The following ACACA variants were observed in gnomAD, a reference collection of about 807,000 sequenced individuals.
The protein encoded by ACACA is acetyl-CoA carboxylase 1.
A neutral mutation model predicts 296.1 loss-of-function variants in ACACA; 103 were observed. The ratio of observed to expected loss-of-function variants is 0.35; its 90% CI spans 0.30 to 0.41. ACACA has a LOEUF of 0.41. ACACA is among the 10% of genes least tolerant of loss of function. The pLI, the probability that ACACA is intolerant of heterozygous loss-of-function variation, is 1.00. For missense variants in ACACA, 1,554 were observed against 2,989.7 expected, an observed-to-expected ratio of 0.52 and a Z score of 11.20; for synonymous variants, 953 against 1,038.6, an observed-to-expected ratio of 0.92 and a Z score of 1.58.
rs553792769 is a variant in ACACA at position 37,101,767 on chromosome 17, T to C, written c.6566-3783A>G. 1.1e-4 allele frequency among the ~76,000 whole-genome samples: 16 copies of C among 152,336 alleles called. No individual in the cohort carries two copies. In the South Asian group the frequency reaches 3.3e-3, roughly 32 times the overall value. On this transcript the variant is annotated intron_variant, in intron 52 of 55. Coordinates refer to ENST00000616317, the MANE Select transcript of ACACA (RefSeq NM_198834.3). ...TAGTTCCCATTCAGATGCAATTTCC[T>C]AGGCAGGCCTAAGATTTAAGAGTTG...
chr17:37,369,986 G>A (rs1451423945), intron 1 of ACACA, among the ~76,000 whole-genome samples: 6 of 149,470 alleles, frequency 4.0e-5, no homozygotes, highest in African/African-American at 7.4e-5. Flanking sequence ...GATTACAGGC[G>A]TGAGCCACTG....
intron 50 of ACACA, among the ~76,000 whole-genome samples, chr17:37,114,540 A>C (rs969738585): frequency 4.2e-4 from 64 of 152,024 alleles, no homozygotes; most frequent in Middle Eastern, 6.8e-3. Context: ...TTAAAAAAAA[A>C]AAAAAAAAAA....
chr17:37,266,858 A>AT (rs1249769495), intron 10 of ACACA, among the ~76,000 whole-genome samples: 4 of 152,134 alleles, frequency 2.6e-5, no homozygotes, highest in Admixed American at 1.3e-4. Flanking sequence ...CTCAGATAAC[A>AT]TTTTTTTGCC....
chr17:37,192,012 T>G, intron 37 of ACACA, 78 bp downstream of exon 37: 1 of 1,415,476 alleles, frequency 7.1e-7, no homozygotes, highest in South Asian at 1.2e-5. Flanking sequence ...AGCAGAAGCA[T>G]AATACCTAAT....
intron 29 of ACACA, among the ~76,000 whole-genome samples, chr17:37,220,911 C>T (rs1183946388): frequency 6.6e-6 from 1 of 152,004 alleles, no homozygotes; most frequent in Non-Finnish European, 1.5e-5. Flanking sequence ...AACCAAAGGC[C>T]ATAAAGAAGA....
At chr17:37,266,307 G>A (rs2081768386) in intron 10 of ACACA, among the ~76,000 whole-genome samples, 3 of 151,856 alleles carry the variant, frequency 2.0e-5, no homozygotes, top group African/African-American at 4.8e-5. Context: ...CCAACTACTC[G>A]GGAGGCTGAG....
intron 45 of ACACA, among the ~76,000 whole-genome samples, chr17:37,136,654 C>A (rs973005508): frequency 4.0e-5 from 6 of 151,850 alleles, no homozygotes; most frequent in South Asian, 2.1e-4. Flanking sequence ...TAAAAAAAAA[C>A]CATTTAGGCC....
At chr17:37,265,934 T>G (rs1172840131) in intron 10 of ACACA, among the ~76,000 whole-genome samples, 1 of 152,222 alleles carries the variant, frequency 6.6e-6, no homozygotes, top group Non-Finnish European at 1.5e-5. Flanking sequence ...ACTTTTCATT[T>G]TGAACTGTTT....
chr17:37,369,365 C>G (rs1172971739), intron 1 of ACACA: 1 of 152,116 alleles, frequency 6.6e-6, no homozygotes, highest in Non-Finnish European at 1.5e-5. Context: ...GCAAGTGATA[C>G]ACGCCTGTAG....
intron 45 of ACACA, among the ~76,000 whole-genome samples, chr17:37,139,913 G>C (rs2075492969): frequency 6.6e-6 from 1 of 152,184 alleles, no homozygotes; most frequent in Non-Finnish European, 1.5e-5. Context: ...GAAAGATTTT[G>C]GTTCCATTCA....
intron 7 of ACACA, among the ~76,000 whole-genome samples, chr17:37,276,511 G>C (rs2082290686): frequency 6.6e-6 from 1 of 152,152 alleles, no homozygotes; most frequent in Admixed American, 6.5e-5. Flanking sequence ...ATTGTTTAAG[G>C]TCTCTGAGAC....
chr17:37,348,997 G>A (rs1010546334), intron 1 of ACACA, among the ~76,000 whole-genome samples: 1 of 150,960 alleles, frequency 6.6e-6, no homozygotes, highest in Non-Finnish European at 1.5e-5. Context: ...GGCAAATATC[G>A]TAAATATATG....
intron 3 of ACACA, among the ~76,000 whole-genome samples, chr17:37,288,279 C>G (rs180792168): frequency 6.6e-6 from 1 of 151,702 alleles, no homozygotes; most frequent in Admixed American, 6.6e-5. Context: ...CCTTCCTGTC[C>G]TTAACTTTGT....
Position 37,113,318 on chromosome 17 carries a change from G to C in ACACA, c.6275-53C>G. 1 of 1,586,180 alleles carries C rather than the reference G, an allele frequency of 6.3e-7. No individual in the cohort carries two copies. Among genetic ancestry groups the C allele is most frequent in the Non-Finnish European group, 8.6e-7 (1 of 1,159,664 alleles). On this transcript the variant is annotated intron_variant, in intron 50 of 55. Coordinates refer to ENST00000616317, the MANE Select transcript of ACACA (RefSeq NM_198834.3). The surrounding 1 kb of genome is among the most constrained non-coding windows in gnomAD (Gnocchi z 4.0). ...CAAGAAATTTCTCTTCCTCAAAGCA[G>C]TACTTTTAAACACTGTTCAGGACCT...
chr17:37,284,745 A>C (rs1265415997), intron 4 of ACACA, 93 bp downstream of exon 4: 1 of 1,558,644 alleles, frequency 6.4e-7, no homozygotes, highest in African/African-American at 1.4e-5. Flanking sequence ...TGAGAAACTA[A>C]ATATCAATTG....
At chr17:37,100,435 C>T (rs1315995617) in intron 52 of ACACA, among the ~76,000 whole-genome samples, 1 of 151,928 alleles carries the variant, frequency 6.6e-6, no homozygotes, top group Non-Finnish European at 1.5e-5. Flanking sequence ...AACATTCCTG[C>T]CCAAAAAGCA....
chr17:37,202,544 T>C (rs193119915), intron 33 of ACACA, among the ~76,000 whole-genome samples: 81 of 151,566 alleles, frequency 5.3e-4, no homozygotes, highest in Non-Finnish European at 1.0e-3. Context: ...GATAGTTTAA[T>C]GTGTGCCTTA....
chr17:37,225,247 C>T lies in ACACA; in HGVS notation c.3361-142G>A, dbSNP rs574726271. ...ATAAAACAGAGACCAAGTAAAACAACTTCTAGGTCCTGTAACATAAAGCCA... is the reference window on the plus strand; with the variant it reads ...ATAAAACAGAGACCAAGTAAAACAATTTCTAGGTCCTGTAACATAAAGCCA... On this transcript the variant is annotated intron_variant, in intron 26 of 55. Transcript: ENST00000616317. 235 of 655,278 alleles carry T rather than the reference C, an allele frequency of 3.6e-4. No homozygotes were observed. The African/African-American group carries it at 3.6e-3, about 10-fold the overall frequency. The allele number at this position is 655,278 out of a possible 1,614,324, so 40.6% of individuals were successfully genotyped here.
In ACACA at chr17:37,283,357, T is replaced by C. The variant is rs757083555; in HGVS notation, c.520A>G (p.Ile174Val). 5.0e-6 allele frequency: 8 copies of C among 1,614,044 alleles called. No homozygotes were observed. Among genetic ancestry groups the C allele is most frequent in the Middle Eastern group, 1.6e-4 (1 of 6,084 alleles). ...GIAAVKCMRS[I>V]RRWSYEMFRN... ...AACATTTCATAAGACCACCTACGGA[T>C]AGACCGCATGCATTTCACTGCTGCA... is the stretch of plus-strand genomic sequence containing the variant. Residue 174 changes from isoleucine (I) to valine (V), a missense_variant, in exon 5 of 56, where the codon ATC becomes GTC. Physicochemically the swap from Ile to Val is conservative, Grantham distance 29. Around this residue, in one of 16 missense-constraint regions of ACACA, gnomAD observed 40 missense variants for 92.2 expected, o/e 0.43. Coordinates refer to ENST00000616317, the MANE Select transcript of ACACA (RefSeq NM_198834.3).
Sources: gnomAD v4.1 joint callset for allele counts (sites outside exome capture counted in the v4.1 genomes callset) on GRCh38, gnomAD v4.1.1 for gene constraint, gnomAD v4.1.1 regional missense constraint, Gnocchi (gnomAD v3.1) non-coding constraint, MANE v1.5 for transcripts, NCBI Gene and HGNC (gene_info 2026-07-23, HGNC 2026-07-21) for gene names.